HERC4: variants seen among roughly 807,000 people sequenced by gnomAD.
The protein encoded by HERC4 is probable E3 ubiquitin-protein ligase HERC4.
In HERC4, 28 loss-of-function variants were observed where a neutral mutation model predicts 124.3. The observed-to-expected ratio is 0.23, with a 90% CI of 0.17 to 0.31. The LOEUF is 0.31. HERC4 is among the 10% of genes least tolerant of loss of function. The pLI, the probability that HERC4 is intolerant of heterozygous loss-of-function variation, is 1.00. For missense variants in HERC4, 713 were observed against 1,229.3 expected, an observed-to-expected ratio of 0.58 and a Z score of 6.28; for synonymous variants, 407 against 421.5, an observed-to-expected ratio of 0.97 and a Z score of 0.42.
At chr10:67,964,227 T>C (rs989909385) in intron 16 of HERC4, among the ~76,000 whole-genome samples, 3 of 151,952 alleles carry the variant, frequency 2.0e-5, no homozygotes, top group African/African-American at 7.3e-5. Context: ...AGGTTACCAA[T>C]TACCTTCATG....
chr10:68,063,524 A>C (rs1337774808), intron 3 of HERC4, among the ~76,000 whole-genome samples: 1 of 152,204 alleles, frequency 6.6e-6, no homozygotes, highest in Non-Finnish European at 1.5e-5. Flanking sequence ...TACATTTTAA[A>C]AACTTTCATT....
intron 3 of HERC4, among the ~76,000 whole-genome samples, chr10:68,059,742 ATATAT>A (rs1482343425): frequency 2.3e-5 from 2 of 85,510 alleles, no homozygotes; most frequent in Non-Finnish European, 3.8e-5. Context: ...TCATAATATT[ATATAT>A]TATAATATTA....
intron 7 of HERC4, among the ~76,000 whole-genome samples, chr10:68,026,224 T>C (rs1022753145): frequency 1.3e-5 from 2 of 152,094 alleles, no homozygotes; most frequent in Admixed American, 6.6e-5. Context: ...GCCTCCTAAG[T>C]AGCTGGGAGT....
At chr10:67,932,802 T>A (rs187796914) in intron 22 of HERC4, 22 bp from the exon 23 acceptor site, 3 of 1,557,558 alleles carry the variant, frequency 1.9e-6, no homozygotes, top group East Asian at 4.7e-5. Context: ...AAAGCACACA[T>A]GTACAGATTA....
intron 3 of HERC4, among the ~76,000 whole-genome samples, chr10:68,058,763 GA>G (rs1334143802): frequency 6.6e-6 from 1 of 151,394 alleles, no homozygotes; most frequent in Non-Finnish European, 1.5e-5. Context: ...CCTAGGCACA[GA>G]AAGGTTAAGC....
chr10:68,025,910 ATAAT>A (rs1451936249), intron 7 of HERC4, among the ~76,000 whole-genome samples: 2 of 152,170 alleles, frequency 1.3e-5, no homozygotes, highest in African/African-American at 4.8e-5. Context: ...AGAGATACAA[ATAAT>A]TATTTATTTG....
intron 22 of HERC4, among the ~76,000 whole-genome samples, chr10:67,935,180 C>G (rs957320796): frequency 2.0e-4 from 30 of 149,452 alleles, no homozygotes; most frequent in African/African-American, 6.9e-4. Flanking sequence ...GAGTCTCGCT[C>G]TGTCGCCCAG....
At chr10:67,927,428 A>T (rs28635766) in intron 23 of HERC4, among the ~76,000 whole-genome samples, 13,442 of 24,574 alleles carry the variant, frequency 0.55, 2,684 homozygotes, top group African/African-American at 0.62. Flanking sequence ...ATATATATAT[A>T]TATTTTTTTT....
chr10:68,021,763 AC>A (rs1239465243), intron 8 of HERC4, among the ~76,000 whole-genome samples: 2 of 152,122 alleles, frequency 1.3e-5, no homozygotes, highest in African/African-American at 4.8e-5. Context: ...AGCCGAGATC[AC>A]GCCATTGCAC....
intron 9 of HERC4, among the ~76,000 whole-genome samples, chr10:68,006,059 AACTTTAC>A (rs1437338452): frequency 5.3e-5 from 8 of 152,124 alleles, no homozygotes; most frequent in Middle Eastern, 3.2e-3. Context: ...AAATGATAAA[AACTTTAC>A]ACTTTATCAT....
chr10:67,958,622 A>G (rs2034296464), intron 16 of HERC4, among the ~76,000 whole-genome samples: 1 of 152,198 alleles, frequency 6.6e-6, no homozygotes, highest in Non-Finnish European at 1.5e-5. Flanking sequence ...TACTTAAACC[A>G]AAGTGCTAGA....
At chr10:68,066,681 A>G (rs951798223) in intron 3 of HERC4, among the ~76,000 whole-genome samples, 8 of 152,198 alleles carry the variant, frequency 5.3e-5, no homozygotes, top group African/African-American at 1.9e-4. Context: ...CAATTCTGCA[A>G]GTCAGTTACT....
intron 16 of HERC4, among the ~76,000 whole-genome samples, chr10:67,960,048 T>G (rs1474211024): frequency 1.3e-5 from 2 of 152,220 alleles, no homozygotes; most frequent in East Asian, 1.9e-4. Context: ...GCCTGGCGCT[T>G]TAGCCACTGG....
intron 9 of HERC4, chr10:67,994,968 G>A (rs140377295): frequency 2.0e-4 from 46 of 234,664 alleles, no homozygotes; most frequent in African/African-American, 1.0e-3. Context: ...GGGATTACAG[G>A]TGTGAGCCAC....
intron 3 of HERC4, among the ~76,000 whole-genome samples, chr10:68,066,196 T>C (rs1487826786): frequency 6.6e-6 from 1 of 152,248 alleles, no homozygotes; most frequent in Non-Finnish European, 1.5e-5. Flanking sequence ...AAGTAACTTT[T>C]GTGTCTTCAA....
At chr10:67,939,321 T>C (rs1472495956) in intron 21 of HERC4, among the ~76,000 whole-genome samples, 1 of 152,190 alleles carries the variant, frequency 6.6e-6, no homozygotes, top group African/African-American at 2.4e-5. Context: ...TCACAGAGGC[T>C]GGTATGCATA....
At chr10:67,924,475 C>A (rs1340471845) in intron 24 of HERC4, among the ~76,000 whole-genome samples, 1 of 152,114 alleles carries the variant, frequency 6.6e-6, no homozygotes, top group Non-Finnish European at 1.5e-5. Flanking sequence ...GTACTGAATT[C>A]TGTAGGTAAC....
chr10:68,064,017 C>G (rs1446308425), intron 3 of HERC4, among the ~76,000 whole-genome samples: 1 of 151,876 alleles, frequency 6.6e-6, no homozygotes, highest in Non-Finnish European at 1.5e-5. Flanking sequence ...GCGAAGTGGG[C>G]AGATCACTTG....
At chr10:67,975,588 G>C (rs985482724) in intron 15 of HERC4, among the ~76,000 whole-genome samples, 2 of 152,136 alleles carry the variant, frequency 1.3e-5, no homozygotes, top group Non-Finnish European at 2.9e-5. Context: ...GATCTCAGGT[G>C]ATCCACCCAC....
Sources: gnomAD v4.1 joint callset for allele counts (sites outside exome capture counted in the v4.1 genomes callset) on GRCh38, gnomAD v4.1.1 for gene constraint, MANE v1.5 for transcripts, NCBI Gene and HGNC (gene_info 2026-07-23, HGNC 2026-07-21) for gene names.